C2CD2: variants seen among roughly 807,000 people sequenced by gnomAD.
C2CD2 encodes C2 domain-containing protein 2.
C2CD2 carries 43 observed loss-of-function variants against 74.3 expected under a neutral mutation model. The ratio of observed to expected loss-of-function variants is 0.58; its 90% confidence interval spans 0.45 to 0.75. The LOEUF is 0.75. Among genes scored for constraint, C2CD2 ranks in the 30% least tolerant of loss-of-function variants. The pLI is 0.00. For missense variants in C2CD2, 801 were observed against 916.3 expected (o/e 0.87, Z 1.63); for synonymous variants, 422 against 390.7 (o/e 1.08, Z -0.94).
intron 11 of C2CD2, among the ~76,000 whole-genome samples, chr21:41,902,630 G>C (rs1019451819): frequency 6.6e-6 from 1 of 152,224 alleles, no homozygotes; most frequent in Non-Finnish European, 1.5e-5. Context: ...GATGGTAAAA[G>C]GAACTTCTGT....
intron 6 of C2CD2, 32 bp downstream of exon 6, chr21:41,914,566 C>G: frequency 6.2e-7 from 1 of 1,607,290 alleles, no homozygotes; most frequent in Non-Finnish European, 8.5e-7. Context: ...GGAAGAGCCC[C>G]TCCAGGCAGG....
At chr21:41,951,342 C>G (rs1397895442) in intron 1 of C2CD2, among the ~76,000 whole-genome samples, 3 of 152,196 alleles carry the variant, frequency 2.0e-5, no homozygotes, top group Non-Finnish European at 4.4e-5. Flanking sequence ...TCCCAGGCAT[C>G]AGGGCTGTGT....
At chr21:41,894,795 T>TA (rs1441224650) in intron 13 of C2CD2, 2 of 456,454 alleles carry the variant, frequency 4.4e-6, no homozygotes, top group Non-Finnish European at 8.8e-6. Flanking sequence ...ACCTTTGGGG[T>TA]AAACGATGCA....
intron 2 of C2CD2, among the ~76,000 whole-genome samples, chr21:41,930,466 G>A (rs1217830295): frequency 6.7e-6 from 1 of 150,282 alleles, no homozygotes; most frequent in Non-Finnish European, 1.5e-5. Context: ...ACTTTGGGAA[G>A]CCGAGGTGGG....
Position 41,907,183 on chromosome 21 carries a change from T to C in C2CD2, c.1144-17A>G, listed in dbSNP as rs1427693866. 1.9e-6 allele frequency: 3 copies of C among 1,611,888 alleles called. No individual in the cohort carries two copies. Among genetic ancestry groups the C allele is most frequent in the Non-Finnish European group, 2.5e-6 (3 of 1,178,124 alleles). ...GTAAGAGAACTGCAGAGAAGACGCG[T>C]TACTTGTTTCTGGTTTTGTGGAAGT... On this transcript the variant is annotated splice_polypyrimidine_tract_variant and intron_variant, in intron 9 of 13. Transcript: ENST00000380486.
intron 2 of C2CD2, among the ~76,000 whole-genome samples, chr21:41,937,077 T>C (rs143404948): frequency 0.036 from 5,387 of 149,256 alleles, 323 homozygotes; most frequent in African/African-American, 0.12. Flanking sequence ...CCTCACCCTC[T>C]CAAAGTGCTG....
chr21:41,922,039 C>A lies in C2CD2; in HGVS notation c.425G>T (p.Ser142Ile), dbSNP rs2065159952. 6.2e-7 allele frequency: 1 copy of A among 1,614,166 alleles called. No homozygotes were observed. The highest frequency in any genetic ancestry group is 1.7e-5 in the Admixed American group (1 of 60,032). ...VVGQAIQFLV[S>I]ETPALGAGCR... ...TCCAGCACCCAAGGCAGGCGTCTCG[C>A]TGACCAAGAACTGAATAGCCTGGCC... The change falls in exon 3 of 14, where the codon AGC becomes ATC. Residue 142 changes from serine (S) to isoleucine (I), a missense_variant. Ser to Ile is a moderately radical substitution (Grantham distance 142, BLOSUM62 -2). Transcript: ENST00000380486.
chr21:41,905,792 T>G lies in C2CD2; in HGVS notation c.1364A>C (p.Asp455Ala), dbSNP rs756771534. ...GCAGGCGATGGCCTGGACAGAGATG[T>G]CCTTCTCGATCACCTTCACCTTGAT... is the stretch of plus-strand genomic sequence containing the variant. ...TPIKVKVIEK[D>A]ISVQAIACRS... The change falls in exon 11 of 14, where the codon GAC becomes GCC. Residue 455 changes from aspartate (D) to alanine (A), a missense_variant. Transcript: ENST00000380486. The G allele has an allele frequency of 1.2e-6, 2 of 1,611,478 alleles. No individual in the cohort carries two copies. Among genetic ancestry groups the G allele is most frequent in the Admixed American group, 3.3e-5 (2 of 60,020 alleles).
Position 41,888,725 on chromosome 21 carries a change from C to T in C2CD2, c.*399G>A, listed in dbSNP as rs1036367593. 9.3e-6 allele frequency: 2 copies of T among 215,862 alleles called. No individual in the cohort carries two copies. The highest frequency in any genetic ancestry group is 1.0e-4 in the Admixed American group (2 of 19,280). 13.4% of individuals were successfully genotyped at this position (215,862 alleles called of 1,614,324 possible). On this transcript the variant is annotated 3_prime_UTR_variant, in exon 14 of 14. Coordinates refer to ENST00000380486, the MANE Select transcript of C2CD2 (RefSeq NM_015500.2). ...GGCACCTCCTTTTTGTGACATGGTC[C>T]AGGCATGGACCCAAAACAACACTTG...
rs150397371 is a variant in C2CD2 at position 41,950,101 on chromosome 21, C to T, written c.279+3269G>A. On this transcript the variant is annotated intron_variant, in intron 1 of 13. Coordinates refer to ENST00000380486, the MANE Select transcript of C2CD2 (RefSeq NM_015500.2). ...ACGTATACCTATGTAACAACCTGCA[C>T]GTTGTGCACATGTACCCTAGAACTT... is the stretch of plus-strand genomic sequence containing the variant. Among the ~76,000 whole-genome samples the T allele has an allele frequency of 3.5e-3, 523 of 150,986 alleles. 5 individuals carry two copies. Among genetic ancestry groups the T allele is most frequent in the African/African-American group, 0.012 (500 of 41,018 alleles).
chr21:41,915,318 A>C (rs1262399560), intron 5 of C2CD2, among the ~76,000 whole-genome samples: 5 of 152,130 alleles, frequency 3.3e-5, no homozygotes, highest in Admixed American at 3.3e-4. Context: ...TAGACACCAC[A>C]TCACATCCTC....
rs1197791495 is a variant in C2CD2, at chr21:41,903,883, G to T, written c.1432+1841C>A. ...ACAGGACCCCGCAGCATGGGCAGTG[G>T]GGGCACTGCCAGGGGAAGAAACTGA... On this transcript the variant is annotated intron_variant, in intron 11 of 13. Transcript: ENST00000380486. The surrounding 1 kb of genome is among the most constrained non-coding windows in gnomAD (Gnocchi z 4.5). Among the ~76,000 whole-genome samples the T allele has an allele frequency of 6.6e-6, 1 of 152,148 alleles. No individual in the cohort carries two copies. Among genetic ancestry groups the T allele is most frequent in the African/African-American group, 2.4e-5 (1 of 41,428 alleles).
chr21:41,907,777 C>T lies in C2CD2; in HGVS notation c.1026G>A (p.Leu342=). 1 of 1,614,012 alleles carries T rather than the reference C, an allele frequency of 6.2e-7. No individual in the cohort carries two copies. Among genetic ancestry groups the T allele is most frequent in the Non-Finnish European group, 8.5e-7 (1 of 1,179,978 alleles). The change falls in exon 9 of 14, where the codon CTG becomes CTA. Residue 342 remains leucine, a synonymous_variant. Transcript: ENST00000380486. ...SEAGRSSEGL[L]ATATVPLDLF... ...AGTCCAGAGGAACTGTCGCCGTCGCCAGCAGACCTGAAAAGATAGGAGACA... is the reference window on the plus strand; with the variant it reads ...AGTCCAGAGGAACTGTCGCCGTCGCTAGCAGACCTGAAAAGATAGGAGACA...
Position 41,918,975 on chromosome 21 carries a change from G to C in C2CD2, c.493-15C>G. 1 of 1,574,668 alleles carries C rather than the reference G, an allele frequency of 6.4e-7. No individual in the cohort carries two copies. The highest frequency in any genetic ancestry group is 8.7e-7 in the Non-Finnish European group (1 of 1,144,164). ...TGGAACTCCAGCTATTAAAAAACAA[G>C]TTATTAGAGGGCCACTCTTTCCACC... is the stretch of plus-strand genomic sequence containing the variant. On this transcript the variant is annotated splice_polypyrimidine_tract_variant and intron_variant, in intron 3 of 13. Coordinates refer to ENST00000380486, the MANE Select transcript of C2CD2 (RefSeq NM_015500.2).
At chr21:41,935,785 G>A (rs2065301953) in intron 2 of C2CD2, among the ~76,000 whole-genome samples, 1 of 152,122 alleles carries the variant, frequency 6.6e-6, no homozygotes, top group Non-Finnish European at 1.5e-5. Flanking sequence ...CTGGGAGGCA[G>A]AGGTTGCAGT....
intron 2 of C2CD2, among the ~76,000 whole-genome samples, chr21:41,935,149 C>T (rs904558245): frequency 1.3e-5 from 2 of 152,174 alleles, no homozygotes; most frequent in South Asian, 2.1e-4. Flanking sequence ...CCTGGCCTTC[C>T]AAAGTGCTGG....
intron 2 of C2CD2, among the ~76,000 whole-genome samples, chr21:41,935,211 T>C (rs969780304): frequency 6.6e-6 from 1 of 152,188 alleles, no homozygotes; most frequent in Non-Finnish European, 1.5e-5. Flanking sequence ...TATGTGTTCA[T>C]TCATTAGAAT....
Position 41,917,593 on chromosome 21 carries a change from A to AG in C2CD2, c.720+511dup, listed in dbSNP as rs2065106923. Among the ~76,000 whole-genome samples the AG allele has an allele frequency of 2.0e-5, 3 of 152,244 alleles. No homozygotes were observed. In the South Asian group the frequency reaches 6.2e-4, roughly 32 times the overall value. Reference sequence around the variant, plus strand: ...GAGTAGCGCCCTAATCAGATGGAATAGGGGGGCTCCAGCATGAGGAGGGAG... The same window carrying AG: ...GAGTAGCGCCCTAATCAGATGGAATAGGGGGGGCTCCAGCATGAGGAGGGAG... On this transcript the variant is annotated intron_variant, in intron 5 of 13. Transcript: ENST00000380486.
At position 41,953,958 on chromosome 21, in the gene C2CD2, C is replaced by T. The variant is rs1309651321; in HGVS notation, c.-310G>A. The T allele has an allele frequency of 1.3e-5, 2 of 150,732 alleles. No homozygotes were observed. Among genetic ancestry groups the T allele is most frequent in the African/African-American group, 2.4e-5 (1 of 41,060 alleles). 9.3% of individuals were successfully genotyped at this position (150,732 alleles called of 1,614,324 possible). ...CCTGGGCCGCTGCGGGCCGCGCTTC[C>T]TCCTGCGCGCGCCGCCCCGGGCGTC... is the stretch of plus-strand genomic sequence containing the variant. On this transcript the variant is annotated 5_prime_UTR_variant, in exon 1 of 14. Transcript: ENST00000380486.
Sources: gnomAD v4.1 joint callset for allele counts (sites outside exome capture counted in the v4.1 genomes callset) on GRCh38, gnomAD v4.1.1 for gene constraint, Gnocchi (gnomAD v3.1) non-coding constraint, MANE v1.5 for transcripts, NCBI Gene and HGNC (gene_info 2026-07-23, HGNC 2026-07-21) for gene names.